ADAMTS9: variants seen among roughly 807,000 people sequenced by gnomAD.
The protein encoded by ADAMTS9 is A disintegrin and metalloproteinase with thrombospondin motifs 9.
Under a neutral mutation model 257.1 loss-of-function variants are expected in ADAMTS9, and 107 were observed. That is an observed-to-expected ratio of 0.42 (90% confidence interval 0.36 to 0.49). The LOEUF (loss-of-function observed/expected upper bound fraction) is 0.49. ADAMTS9 is among the 20% of genes least tolerant of loss of function. The pLI is 0.03. For synonymous variants in ADAMTS9, 982 were observed against 880.9 expected (o/e 1.11, Z -2.03); for missense variants, 2,353 against 2,469.1 (o/e 0.95, Z 1.00).
At chr3:64,611,310 G>A (rs566554104) in intron 22 of ADAMTS9, among the ~76,000 whole-genome samples, 1 of 152,250 alleles carries the variant, frequency 6.6e-6, no homozygotes, top group South Asian at 2.1e-4. Context: ...ATATTCTTTG[G>A]CCAAGTACTG....
Position 64,658,694 on chromosome 3 carries a change from G to T in ADAMTS9, c.777C>A (p.Ser259Arg), listed in dbSNP as rs188431418. Residue 259 changes from serine (S) to arginine (R), a missense_variant, in exon 4 of 40, where the codon AGC becomes AGA. Around this residue, in one of 3 missense-constraint regions of ADAMTS9, gnomAD observed 591 missense variants for 569.6 expected, o/e 1.04. Transcript: ENST00000498707. ...NLAGDVAALN[S>R]GLATEAFSAY... ...CAGAAAATGCCTCTGTTGCTAAGCC[G>T]CTGTTTAATGCTGCTACGTCACCAG... The T allele has an allele frequency of 6.2e-7, 1 of 1,613,998 alleles. No individual in the cohort carries two copies. The highest frequency in any genetic ancestry group is 2.2e-5 in the East Asian group (1 of 44,854).
chr3:64,645,025 G>T (rs548130452), intron 11 of ADAMTS9, among the ~76,000 whole-genome samples: 2 of 152,300 alleles, frequency 1.3e-5, no homozygotes, highest in East Asian at 3.9e-4. Flanking sequence ...AATATGAAAA[G>T]TGTCTGATAT....
At chr3:64,583,614 T>A (rs1266463406) in intron 28 of ADAMTS9, 1 of 152,176 alleles carries the variant, frequency 6.6e-6, no homozygotes, top group African/African-American at 2.4e-5. Flanking sequence ...TGCATCCCCA[T>A]TGTAACAACC....
chr3:64,615,023 T>C (rs776330075), intron 21 of ADAMTS9: 1 of 273,040 alleles, frequency 3.7e-6, no homozygotes. Flanking sequence ...TTCAGTGACT[T>C]AGCTAGGGCT....
rs936705091 is a variant in ADAMTS9 at position 64,525,666 on chromosome 3, A to C, written c.5719-3406T>G. On this transcript the variant is annotated intron_variant, in intron 38 of 39. Transcript: ENST00000498707. ...GCTCTTGTCACCCAGGCTGCAGTGCAATGGCGCAATGTCAGCTCACTGCAA... is the reference window on the plus strand; with the variant it reads ...GCTCTTGTCACCCAGGCTGCAGTGCCATGGCGCAATGTCAGCTCACTGCAA... Among the ~76,000 whole-genome samples the C allele has an allele frequency of 4.6e-5, 7 of 152,102 alleles. No individual in the cohort carries two copies. The East Asian group carries it at 1.4e-3, about 29-fold the overall frequency.
intron 26 of ADAMTS9, among the ~76,000 whole-genome samples, chr3:64,598,110 T>G (rs986914737): frequency 6.6e-6 from 1 of 152,206 alleles, no homozygotes; most frequent in Admixed American, 6.5e-5. Context: ...TTAATTTCCC[T>G]GCCCATGCTG....
At chr3:64,656,086 C>T (rs952372564) in intron 4 of ADAMTS9, 4 of 459,340 alleles carry the variant, frequency 8.7e-6, no homozygotes, top group African/African-American at 8.1e-5. Flanking sequence ...TGAATTCAAA[C>T]AAATTTAAAT....
At chr3:64,626,679 C>T (rs984794265) in intron 16 of ADAMTS9, among the ~76,000 whole-genome samples, 1 of 152,160 alleles carries the variant, frequency 6.6e-6, no homozygotes, top group Non-Finnish European at 1.5e-5. Flanking sequence ...AGTCCTACCC[C>T]TTAAATATAT....
At chr3:64,580,187 G>A (rs2083960697) in intron 28 of ADAMTS9, among the ~76,000 whole-genome samples, 1 of 152,242 alleles carries the variant, frequency 6.6e-6, no homozygotes, top group South Asian at 2.1e-4. Context: ...TCCAGGCCAG[G>A]TATTTTCTTT....
intron 12 of ADAMTS9, among the ~76,000 whole-genome samples, chr3:64,638,558 A>G (rs1223757032): frequency 1.3e-5 from 2 of 152,200 alleles, no homozygotes; most frequent in Admixed American, 6.5e-5. Context: ...GTAAACCAGA[A>G]CTATGATCAT....
chr3:64,686,794 T>A lies in ADAMTS9; in HGVS notation c.290A>T (p.Gln97Leu), dbSNP rs1335656138. 1 of 1,613,886 alleles carries A rather than the reference T, an allele frequency of 6.2e-7. No homozygotes were observed. The highest frequency in any genetic ancestry group is 2.2e-5 in the East Asian group (1 of 44,874). ...GAAGGCAGAGAGGCGGTAATGCGCCTGGGAGGAGGTAGAGGAGGAAGAGGA... is the reference window on the plus strand; with the variant it reads ...GAAGGCAGAGAGGCGGTAATGCGCCAGGGAGGAGGTAGAGGAGGAAGAGGA... ...ASSSSSSTSS[Q>L]AHYRLSAFGQ... Residue 97 changes from glutamine (Q) to leucine (L), a missense_variant, in exon 2 of 40, where the codon CAG becomes CTG. Around this residue, in one of 3 missense-constraint regions of ADAMTS9, gnomAD observed 591 missense variants for 569.6 expected, o/e 1.04. Coordinates refer to ENST00000498707, the MANE Select transcript of ADAMTS9 (RefSeq NM_182920.2). This position sits in a 1 kb window ranked among gnomAD's most constrained non-coding sequence, Gnocchi z 4.6.
At chr3:64,595,567 C>A (rs750285658) in intron 27 of ADAMTS9, among the ~76,000 whole-genome samples, 20 of 152,310 alleles carry the variant, frequency 1.3e-4, no homozygotes, top group Non-Finnish European at 2.2e-4. Context: ...CAGAACTTTG[C>A]GAGGAGGTTT....
At chr3:64,616,390 C>T (rs2084766096) in intron 19 of ADAMTS9, among the ~76,000 whole-genome samples, 1 of 152,014 alleles carries the variant, frequency 6.6e-6, no homozygotes, top group Admixed American at 6.6e-5. Flanking sequence ...AGAATGACAG[C>T]CAGAGGTGTT....
intron 11 of ADAMTS9, 30 bp from the exon 12 acceptor site, chr3:64,642,023 G>A: frequency 6.2e-7 from 1 of 1,612,316 alleles, no homozygotes; most frequent in Non-Finnish European, 8.5e-7. Context: ...TAGTGAGGGA[G>A]ACTTGGCGCT....
chr3:64,681,306 C>G lies in ADAMTS9; in HGVS notation c.574G>C (p.Asp192His). Residue 192 changes from aspartate to histidine, a missense_variant, in exon 3 of 40, where the codon GAT becomes CAT. Around this residue, in one of 3 missense-constraint regions of ADAMTS9, gnomAD observed 591 missense variants for 569.6 expected, o/e 1.04. Transcript: ENST00000498707. ...DYFIEPLQSM[D>H]EQEDEEEQNK... The stretch of plus-strand genomic sequence containing the variant: ...TGTTCCTCTTCATCTTCTTGTTCAT[C>G]CATAGACTGTAGTGGTTCAATAAAA... The G allele has an allele frequency of 6.2e-7, 1 of 1,613,946 alleles. No individual in the cohort carries two copies. The highest frequency in any genetic ancestry group is 8.5e-7 in the Non-Finnish European group (1 of 1,179,924).
intron 37 of ADAMTS9, among the ~76,000 whole-genome samples, chr3:64,536,092 G>A (rs1212561321): frequency 2.0e-5 from 3 of 152,132 alleles, no homozygotes; most frequent in Admixed American, 6.5e-5. Flanking sequence ...GCCCCCAGCC[G>A]ACCTGGGCGT....
chr3:64,592,578 A>G (rs1003012644), intron 28 of ADAMTS9: 2 of 152,192 alleles, frequency 1.3e-5, no homozygotes, highest in African/African-American at 4.8e-5. Flanking sequence ...TTAATTTATA[A>G]TTCTCTAAGA....
chr3:64,610,245 T>C (rs554681219), intron 22 of ADAMTS9, among the ~76,000 whole-genome samples: 3 of 152,148 alleles, frequency 2.0e-5, no homozygotes, highest in South Asian at 2.1e-4. Context: ...CAACAGAAAA[T>C]AGACAAATTG....
intron 39 of ADAMTS9, among the ~76,000 whole-genome samples, chr3:64,518,750 A>G (rs978366235): frequency 7.4e-6 from 1 of 134,874 alleles, no homozygotes; most frequent in Non-Finnish European, 1.6e-5. Flanking sequence ...GAGGGAATTT[A>G]TCATTACCTT....
Sources: gnomAD v4.1 joint callset for allele counts (sites outside exome capture counted in the v4.1 genomes callset) on GRCh38, gnomAD v4.1.1 for gene constraint, gnomAD v4.1.1 regional missense constraint, Gnocchi (gnomAD v3.1) non-coding constraint, MANE v1.5 for transcripts, NCBI Gene and HGNC (gene_info 2026-07-23, HGNC 2026-07-21) for gene names.